Variants in DCC observed in about 807,000 individuals in gnomAD.
DCC encodes the protein netrin receptor DCC.
In DCC, 58 loss-of-function variants were observed where a neutral mutation model predicts 172.5. The ratio of observed to expected loss-of-function variants is 0.34; its 90% CI spans 0.27 to 0.42. The LOEUF is 0.42. DCC is among the 10% of genes least tolerant of loss of function. The probability of loss-of-function intolerance (pLI) is 1.00; values close to 1 mark genes in which losing one functional copy is unlikely to be tolerated. For synonymous variants in DCC, 709 were observed against 644.5 expected, an observed-to-expected ratio of 1.10 and a Z score of -1.52; for missense variants, 1,740 against 1,791.0, an observed-to-expected ratio of 0.97 and a Z score of 0.51.
chr18:53,063,160 T>C (rs2042519583), intron 5 of DCC, 145 bp from the exon 6 acceptor site: 2 of 845,806 alleles, frequency 2.4e-6, no homozygotes, highest in Non-Finnish European at 4.0e-6. Context: ...ATAGTTCCTG[T>C]ATAATAAGCT....
At chr18:53,402,762 C>T (rs1909393525) in intron 18 of DCC, 24 bp from the exon 19 acceptor site, 1 of 1,480,788 alleles carries the variant, frequency 6.8e-7, no homozygotes, top group African/African-American at 1.4e-5. Context: ...AATGACAAGG[C>T]CTTATCTCTG....
intron 2 of DCC, among the ~76,000 whole-genome samples, chr18:52,831,573 G>A (rs979494953): frequency 1.3e-5 from 2 of 152,108 alleles, no homozygotes; most frequent in African/African-American, 4.8e-5. Flanking sequence ...AGAATTTGAT[G>A]ACAGATTAGA....
At chr18:52,779,220 A>G (rs912796688) in intron 2 of DCC, among the ~76,000 whole-genome samples, 1 of 152,138 alleles carries the variant, frequency 6.6e-6, no homozygotes, top group Non-Finnish European at 1.5e-5. Flanking sequence ...TTTGTTACAT[A>G]GGTACACACG....
chr18:52,954,184 A>G (rs972735979), intron 5 of DCC, among the ~76,000 whole-genome samples: 1 of 152,172 alleles, frequency 6.6e-6, no homozygotes, highest in Admixed American at 6.5e-5. Flanking sequence ...TAGGCTTGCA[A>G]TAAAAATCTT....
chr18:53,426,893 T>C (rs1199188635), intron 21 of DCC, among the ~76,000 whole-genome samples: 2 of 152,128 alleles, frequency 1.3e-5, no homozygotes, highest in Non-Finnish European at 2.9e-5. Flanking sequence ...AGGGTGCTCA[T>C]GTTCTAGTGT....
intron 1 of DCC, among the ~76,000 whole-genome samples, chr18:52,726,183 T>C (rs1009270760): frequency 6.6e-6 from 1 of 152,200 alleles, no homozygotes; most frequent in African/African-American, 2.4e-5. Context: ...GTTTCTGTTT[T>C]GTAGAAAAGA....
chr18:53,320,206 G>A (rs1482602518), intron 13 of DCC, among the ~76,000 whole-genome samples: 1 of 151,108 alleles, frequency 6.6e-6, no homozygotes, highest in Non-Finnish European at 1.5e-5. Context: ...CCGAGTAGCT[G>A]GGACCACAGG....
intron 15 of DCC, among the ~76,000 whole-genome samples, chr18:53,365,297 C>T (rs1257190693): frequency 6.6e-6 from 1 of 151,738 alleles, no homozygotes. Flanking sequence ...TGCATATGTG[C>T]CACATTTTCT....
chr18:52,822,413 C>A (rs1340263461), intron 2 of DCC, among the ~76,000 whole-genome samples: 1 of 152,200 alleles, frequency 6.6e-6, no homozygotes, highest in Non-Finnish European at 1.5e-5. Flanking sequence ...CAGGCCACAG[C>A]CAAGAAGTCT....
intron 1 of DCC, among the ~76,000 whole-genome samples, chr18:52,517,312 G>T (rs959771024): frequency 2.6e-5 from 4 of 152,180 alleles, no homozygotes; most frequent in Admixed American, 2.0e-4. Flanking sequence ...CCAGTTCAGA[G>T]ACCACTAGTT....
At chr18:53,371,860 A>C (rs2058062871) in intron 15 of DCC, among the ~76,000 whole-genome samples, 1 of 152,128 alleles carries the variant, frequency 6.6e-6, no homozygotes, top group Admixed American at 6.6e-5. Context: ...CATATGAAAC[A>C]ATCCTAAGCA....
chr18:52,503,598 C>T (rs1389233601), intron 1 of DCC, among the ~76,000 whole-genome samples: 2 of 152,242 alleles, frequency 1.3e-5, no homozygotes, highest in East Asian at 3.9e-4. Flanking sequence ...TCTCCTTGTT[C>T]CAGTCTGCTG....
rs925519522 is a variant in DCC at position 53,205,221 on chromosome 18, G to A, written c.1579G>A (p.Val527Ile). ...TTTATTATTTTTTTATACAGTGCAA[G>A]TTCCAGGGCCAGTAGAAAACCTGCA... is the stretch of plus-strand genomic sequence containing the variant. Reference protein sequence around the residue: ...IKVATQPELQVPGPVENLQAV... With the variant: ...IKVATQPELQIPGPVENLQAV... The change falls in exon 10 of 29, where the codon GTT becomes ATT. Residue 527 changes from valine to isoleucine, a missense_variant. This residue lies in a region of DCC where 1,732 missense variants were observed against 1,767.4 expected (regional missense o/e 0.98). Coordinates refer to ENST00000442544, the MANE Select transcript of DCC (RefSeq NM_005215.4). The A allele has an allele frequency of 2.9e-5, 47 of 1,612,740 alleles. 1 individual carries two copies. The East Asian group carries it at 1.0e-3, about 36-fold the overall frequency.
intron 21 of DCC, among the ~76,000 whole-genome samples, chr18:53,432,920 T>C (rs757537096): frequency 3.3e-5 from 5 of 152,080 alleles, no homozygotes; most frequent in Non-Finnish European, 7.4e-5. Flanking sequence ...AGAAATGGGT[T>C]TTGTGGTTTT....
chr18:52,873,817 T>G (rs2039359855), intron 2 of DCC, among the ~76,000 whole-genome samples: 1 of 152,208 alleles, frequency 6.6e-6, no homozygotes, highest in Non-Finnish European at 1.5e-5. Context: ...AAAGGAAAGT[T>G]TTCCATGAGT....
chr18:52,911,715 T>A (rs1479686989), intron 3 of DCC, among the ~76,000 whole-genome samples: 1 of 133,416 alleles, frequency 7.5e-6, no homozygotes, highest in Non-Finnish European at 1.7e-5. Context: ...CTGATATTTT[T>A]GTCTCATATT....
intron 5 of DCC, among the ~76,000 whole-genome samples, chr18:53,054,210 GTTGTA>G (rs1289429361): frequency 1.3e-5 from 2 of 151,990 alleles, no homozygotes; most frequent in South Asian, 2.1e-4. Flanking sequence ...ATTTTTTATA[GTTGTA>G]TTGTTATTTT....
intron 15 of DCC, among the ~76,000 whole-genome samples, chr18:53,379,511 C>G (rs1456876527): frequency 1.3e-5 from 2 of 152,172 alleles, no homozygotes; most frequent in African/African-American, 4.8e-5. Context: ...CCCTCAGCCC[C>G]AGAGAAAGAC....
At chr18:52,667,768 A>G (rs543748090) in intron 1 of DCC, among the ~76,000 whole-genome samples, 1 of 151,962 alleles carries the variant, frequency 6.6e-6, no homozygotes, top group African/African-American at 2.4e-5. Context: ...CTAAGCAAAG[A>G]AAGAAAGAAA....
Sources: allele counts gnomAD v4.1 joint callset (sites outside exome capture counted in the v4.1 genomes callset), GRCh38; gene constraint gnomAD v4.1.1; regional missense constraint gnomAD v4.1.1; transcripts MANE v1.5; gene names NCBI Gene and HGNC (gene_info 2026-07-23, HGNC 2026-07-21).